The following EEIG1 variants were observed in gnomAD, a reference collection of about 807,000 sequenced individuals.
The protein encoded by EEIG1 is estrogen-induced osteoclastogenesis regulator 1.
chr9:127,948,043 G>A, the EEIG1 span: 3 of 1,594,780 alleles, frequency 1.9e-6, no homozygotes, highest in South Asian at 3.3e-5. Context: ...CGCTAGCAGG[G>A]GAGGGGCGGA....
At chr9:127,954,098 G>A in the EEIG1 span, among the ~76,000 whole-genome samples, 1 of 152,210 alleles carries the variant, frequency 6.6e-6, no homozygotes, top group African/African-American at 2.4e-5. Flanking sequence ...TCGTGTAGTT[G>A]TTGTAAAAAC....
At chr9:127,964,656 ACT>A in the EEIG1 span, among the ~76,000 whole-genome samples, 1 of 152,072 alleles carries the variant, frequency 6.6e-6, no homozygotes, top group Non-Finnish European at 1.5e-5. Flanking sequence ...ACCCACGTCC[ACT>A]CTCAACACTT....
chr9:127,965,526 CCCATCACTTAAGT>C, the EEIG1 span, among the ~76,000 whole-genome samples: 1 of 152,110 alleles, frequency 6.6e-6, no homozygotes, highest in Non-Finnish European at 1.5e-5. Context: ...AGAACAGGGC[CCCATCACTTAAGT>C]CCATCACTTA....
chr9:127,942,577 G>C, the EEIG1 span: 1 of 156,224 alleles, frequency 6.4e-6, no homozygotes, highest in African/African-American at 2.4e-5. Context: ...CTGGAGTGTG[G>C]GTGGGGTCTG....
At chr9:127,948,195 G>A in the EEIG1 span, 4 of 1,614,074 alleles carry the variant, frequency 2.5e-6, no homozygotes, top group East Asian at 8.9e-5. Context: ...CCTGGCCTGG[G>A]ATGGAGATGG....
At chr9:127,968,127 AC>A in the EEIG1 span, among the ~76,000 whole-genome samples, 2 of 151,710 alleles carry the variant, frequency 1.3e-5, no homozygotes, top group African/African-American at 4.8e-5. Context: ...TGGCTGGGAC[AC>A]CCTGGTTGGG....
chr9:127,948,271 C>G, the EEIG1 span: 1 of 1,612,526 alleles, frequency 6.2e-7, no homozygotes. Context: ...GCTTCAGGAC[C>G]AGATGAAAAC....
the EEIG1 span, among the ~76,000 whole-genome samples, chr9:127,958,520 C>T: frequency 6.6e-6 from 1 of 151,870 alleles, no homozygotes; most frequent in South Asian, 2.1e-4. Context: ...TTAAAATTAG[C>T]CAGGAGTGGT....
the EEIG1 span, among the ~76,000 whole-genome samples, chr9:127,955,933 C>T: frequency 1.3e-5 from 2 of 152,238 alleles, no homozygotes; most frequent in Admixed American, 6.5e-5. Context: ...GTTGTGGGAG[C>T]ACTGAGTGAA....
At chr9:127,952,860 T>G in the EEIG1 span, among the ~76,000 whole-genome samples, 1 of 152,102 alleles carries the variant, frequency 6.6e-6, no homozygotes, top group Non-Finnish European at 1.5e-5. Context: ...ATTACAGGCA[T>G]GCACCACCAC....
the EEIG1 span, among the ~76,000 whole-genome samples, chr9:127,956,848 G>A: frequency 0.08 from 12,110 of 152,166 alleles, 553 homozygotes; most frequent in South Asian, 0.18. Flanking sequence ...CTAAGTAGCT[G>A]GGATTACAGG....
chr9:127,943,743 G>A, the EEIG1 span: 2 of 162,344 alleles, frequency 1.2e-5, no homozygotes, highest in African/African-American at 4.8e-5. Context: ...GGCCAGGGAG[G>A]GGTGTGTTTA....
At chr9:127,945,087 C>T in the EEIG1 span, among the ~76,000 whole-genome samples, 13 of 152,138 alleles carry the variant, frequency 8.5e-5, no homozygotes, top group East Asian at 1.9e-3. This position sits in a 1 kb window ranked among gnomAD's most constrained non-coding sequence, Gnocchi z 6.5. Context: ...ATTTTATAGA[C>T]GAGGATGCCA....
At chr9:127,975,352 C>T in the EEIG1 span, among the ~76,000 whole-genome samples, 1 of 152,230 alleles carries the variant, frequency 6.6e-6, no homozygotes, top group African/African-American at 2.4e-5. Flanking sequence ...AAATCAAAAG[C>T]CCACTGAGGA....
At chr9:127,943,529 G>A in the EEIG1 span, 1 of 459,144 alleles carries the variant, frequency 2.2e-6, no homozygotes, top group South Asian at 2.4e-5. Flanking sequence ...CACTTGACAG[G>A]TGAAGAAACT....
At chr9:127,978,529 TA>T in the EEIG1 span, among the ~76,000 whole-genome samples, 2 of 148,488 alleles carry the variant, frequency 1.3e-5, no homozygotes, top group African/African-American at 5.0e-5. Flanking sequence ...ATTTCATTTT[TA>T]TTTTTTAAAA....
chr9:127,975,469 A>G, the EEIG1 span, among the ~76,000 whole-genome samples: 1 of 152,102 alleles, frequency 6.6e-6, no homozygotes, highest in South Asian at 2.1e-4. Context: ...AGGACCCCAG[A>G]AGGACCCCCT....
the EEIG1 span, chr9:127,950,799 G>A: frequency 1.1e-5 from 10 of 908,476 alleles, no homozygotes; most frequent in Middle Eastern, 4.0e-4. Flanking sequence ...GGCGTGCACC[G>A]GGGCCAGTGC....
the EEIG1 span, among the ~76,000 whole-genome samples, chr9:127,969,233 G>A: frequency 2.0e-5 from 3 of 152,204 alleles, no homozygotes; most frequent in Admixed American, 1.3e-4. Flanking sequence ...TCTGAGAGAC[G>A]AATGTGCCTA....
Sources: allele counts gnomAD v4.1 joint callset (sites outside exome capture counted in the v4.1 genomes callset), GRCh38; gene constraint gnomAD v4.1.1; non-coding constraint Gnocchi (gnomAD v3.1); transcripts MANE v1.5; gene names NCBI Gene and HGNC (gene_info 2026-07-23, HGNC 2026-07-21).